Variants in FANCI observed in about 807,000 individuals in gnomAD.
The protein encoded by FANCI is Fanconi anemia group I protein.
In FANCI, 156 loss-of-function variants were observed where a neutral mutation model predicts 176.1. That is an observed-to-expected ratio of 0.89 (90% CI 0.78 to 1.01). FANCI has a LOEUF of 1.01. FANCI is among the 50% of genes least tolerant of loss of function. FANCI has a pLI of 0.00. For synonymous variants in FANCI, 613 were observed against 541.7 expected, an observed-to-expected ratio of 1.13 and a Z score of -1.83; for missense variants, 1,678 against 1,534.1, an observed-to-expected ratio of 1.09 and a Z score of -1.57.
At chr15:89,274,599 C>CTTTTTTTTTTTTTTTTTTTTTTTTTT (rs1157910630) in intron 12 of FANCI, among the ~76,000 whole-genome samples, 2 of 82,816 alleles carry the variant, frequency 2.4e-5, no homozygotes, top group African/African-American at 5.2e-5. Flanking sequence ...TCTTTCTTTC[C>CTTTTTTTTTTTTTTTTTTTTTTTTTT]TTTTTTTTTT....
At chr15:89,304,029 AAT>A in intron 28 of FANCI, 114 bp downstream of exon 28, 1 of 966,180 alleles carries the variant, frequency 1.0e-6, no homozygotes, top group Non-Finnish European at 1.7e-6. Context: ...GAGTGGCCAA[AAT>A]GAAACAGACA....
chr15:89,306,124 G>A lies in FANCI; in HGVS notation c.3467G>A (p.Gly1156Asp). The A allele has an allele frequency of 6.2e-7, 1 of 1,614,132 alleles. No individual in the cohort carries two copies. Among genetic ancestry groups the A allele is most frequent in the Non-Finnish European group, 8.5e-7 (1 of 1,180,020 alleles). The change falls in exon 32 of 38, where the codon GGC becomes GAC. Residue 1156 changes from glycine to aspartate, a missense_variant. Coordinates refer to ENST00000310775, the MANE Select transcript of FANCI (RefSeq NM_001113378.2). ...CTGGTGCAGACAGCTCTGCCATCAG[G>A]CAGCTGTGTGGACACCTTGTTAAAG... ...HELVQTALPS[G>D]SCVDTLLKDL...
chr15:89,294,295 G>A (rs538212650), intron 23 of FANCI, among the ~76,000 whole-genome samples: 1 of 152,084 alleles, frequency 6.6e-6, no homozygotes, highest in South Asian at 2.1e-4. Context: ...ATATAAAAAG[G>A]TAGGGGGTGC....
At chr15:89,298,354 C>T (rs1290893057) in intron 24 of FANCI, among the ~76,000 whole-genome samples, 1 of 152,170 alleles carries the variant, frequency 6.6e-6, no homozygotes, top group Admixed American at 6.5e-5. Flanking sequence ...TAGATAATCC[C>T]CATATATTAG....
intron 26 of FANCI, 68 bp downstream of exon 26, chr15:89,300,453 G>A: frequency 7.0e-7 from 1 of 1,423,888 alleles, no homozygotes; most frequent in Non-Finnish European, 9.9e-7. Flanking sequence ...AGCAGGGGCA[G>A]CTGGTAAGAA....
chr15:89,314,764 C>G, intron 36 of FANCI, 57 bp downstream of exon 36: 3 of 1,266,346 alleles, frequency 2.4e-6, no homozygotes, highest in Non-Finnish European at 3.4e-6. Context: ...ACAGATCTGG[C>G]AAACTGAAGC....
At chr15:89,266,975 AGGGACTAAAGCCAAGAGACTGGAT>A (rs952248002) in intron 9 of FANCI, among the ~76,000 whole-genome samples, 14 of 152,102 alleles carry the variant, frequency 9.2e-5, no homozygotes, top group Non-Finnish European at 2.1e-4. Flanking sequence ...TAAGACTGGA[AGGGACTAAAGCCAAGAGACTGGAT>A]GGGATTATCA....
At chr15:89,314,968 C>G (rs1192862390) in intron 36 of FANCI, among the ~76,000 whole-genome samples, 1 of 151,716 alleles carries the variant, frequency 6.6e-6, no homozygotes, top group Non-Finnish European at 1.5e-5. Context: ...TCATACCCCA[C>G]TAGTTTTTTG....
chr15:89,281,167 C>T lies in FANCI; in HGVS notation c.1382-3C>T, dbSNP rs757597223. On this transcript the variant is annotated splice_polypyrimidine_tract_variant and splice_region_variant and intron_variant, in intron 14 of 37. Transcript: ENST00000310775. ...ACAACTGATTATAGATTCTGTTTTT[C>T]AGACCTGCTTTCAAATATCGTCATG... 6.2e-7 allele frequency: 1 copy of T among 1,613,178 alleles called. No individual in the cohort carries two copies. The highest frequency in any genetic ancestry group is 1.7e-5 in the Admixed American group (1 of 59,996).
At chr15:89,311,915 C>A (rs1280502281) in intron 34 of FANCI, among the ~76,000 whole-genome samples, 1 of 152,184 alleles carries the variant, frequency 6.6e-6, no homozygotes, top group Admixed American at 6.5e-5. Context: ...TCTCCCCAGT[C>A]TCTCCTGACT....
At chr15:89,262,043 A>G (rs1292419404) in intron 6 of FANCI, among the ~76,000 whole-genome samples, 165 bp downstream of exon 6, 1 of 152,228 alleles carries the variant, frequency 6.6e-6, no homozygotes, top group Non-Finnish European at 1.5e-5. Flanking sequence ...TGAGAAAGAA[A>G]TGATTTACTA....
At chr15:89,295,722 T>C (rs900520207) in intron 24 of FANCI, among the ~76,000 whole-genome samples, 1 of 144,748 alleles carries the variant, frequency 6.9e-6, no homozygotes, top group African/African-American at 2.6e-5. Flanking sequence ...TAGTCTTGCC[T>C]TCCCCTGGCG....
intron 34 of FANCI, chr15:89,308,054 A>G (rs781725847): frequency 7.2e-5 from 83 of 1,146,174 alleles, no homozygotes; most frequent in Non-Finnish European, 8.5e-5. Context: ...ACGGCAGTGC[A>G]GTGAGGGCAC....
chr15:89,311,082 C>T (rs1423941980), intron 34 of FANCI, among the ~76,000 whole-genome samples: 2 of 148,770 alleles, frequency 1.3e-5, no homozygotes, highest in African/African-American at 5.2e-5. Context: ...ATGGTGAAAC[C>T]CCATTTCTAC....
Position 89,272,496 on chromosome 15 carries a change from A to G in FANCI, c.883-881A>G, listed in dbSNP as rs1264535517. On this transcript the variant is annotated intron_variant, in intron 10 of 37. Transcript: ENST00000310775. ...AAAGTTTTAAATTTTGGTGAGGTCC[A>G]GTTTATCAATTTTTTCTTGTAGAAA... Among the ~76,000 whole-genome samples, 3 of 152,096 alleles carry G rather than the reference A, an allele frequency of 2.0e-5. No homozygotes were observed. The East Asian group carries it at 5.8e-4, about 29-fold the overall frequency.
intron 17 of FANCI, 79 bp downstream of exon 17, chr15:89,283,329 T>C: frequency 2.5e-6 from 4 of 1,598,892 alleles, no homozygotes; most frequent in South Asian, 2.2e-5. Flanking sequence ...TTTTCTTTTA[T>C]TCCTGTTATG....
intron 24 of FANCI, among the ~76,000 whole-genome samples, chr15:89,295,976 A>C (rs1212532113): frequency 6.6e-6 from 1 of 151,744 alleles, no homozygotes; most frequent in Non-Finnish European, 1.5e-5. Flanking sequence ...TTTATTTACT[A>C]CTTTTTTTGG....
intron 24 of FANCI, 147 bp downstream of exon 24, chr15:89,295,241 C>T (rs2054208676): frequency 1.1e-6 from 1 of 917,652 alleles, no homozygotes; most frequent in Non-Finnish European, 1.6e-6. Context: ...GTGGCAGGCA[C>T]TTGTAATCCC....
At position 89,293,941 on chromosome 15, in the gene FANCI, A is replaced by T; in HGVS notation, c.2400A>T (p.Thr800=). The change falls in exon 23 of 38, where the codon ACA becomes ACT. Residue 800 remains threonine, a synonymous_variant. Coordinates refer to ENST00000310775, the MANE Select transcript of FANCI (RefSeq NM_001113378.2). ...GKAKTKMANK[T]SDSLLSMKFV... is the part of the protein sequence containing the mutation. ...CCAAAACTAAAATGGCCAACAAGACAAGTGATAGTCTTTTGTCCATGAAAT... is the reference window on the plus strand; with the variant it reads ...CCAAAACTAAAATGGCCAACAAGACTAGTGATAGTCTTTTGTCCATGAAAT... 1 of 1,614,180 alleles carries T rather than the reference A, an allele frequency of 6.2e-7. No homozygotes were observed. Among genetic ancestry groups the T allele is most frequent in the Non-Finnish European group, 8.5e-7 (1 of 1,180,034 alleles).
Sources: gnomAD v4.1 joint callset for allele counts (sites outside exome capture counted in the v4.1 genomes callset) on GRCh38, gnomAD v4.1.1 for gene constraint, MANE v1.5 for transcripts, NCBI Gene and HGNC (gene_info 2026-07-23, HGNC 2026-07-21) for gene names.